Variants in ROR1 observed in about 807,000 individuals in gnomAD.
ROR1 encodes ROR family WNT receptor 1, also known as inactive tyrosine-protein kinase transmembrane receptor ROR1.
Under a neutral mutation model 78.8 loss-of-function variants are expected in ROR1, and 19 were observed. That is an observed-to-expected ratio of 0.24 (90% confidence interval 0.17 to 0.35). The LOEUF (loss-of-function observed/expected upper bound fraction) is 0.35, where lower values mean the gene tolerates loss of function less well. Among genes scored for constraint, ROR1 ranks in the 10% least tolerant of loss-of-function variants. The pLI is 1.00. For missense variants in ROR1, 917 were observed against 1,177.8 expected, an observed-to-expected ratio of 0.78 and a Z score of 3.24; for synonymous variants, 386 against 433.6, an observed-to-expected ratio of 0.89 and a Z score of 1.36.
At chr1:64,075,321 G>A (rs1256662378) in intron 4 of ROR1, among the ~76,000 whole-genome samples, 2 of 152,118 alleles carry the variant, frequency 1.3e-5, no homozygotes, top group Non-Finnish European at 2.9e-5. Flanking sequence ...ATATAGAGGG[G>A]GTTAAGATTA....
chr1:64,108,659 A>T (rs1647941869), intron 4 of ROR1, among the ~76,000 whole-genome samples: 1 of 152,122 alleles, frequency 6.6e-6, no homozygotes, highest in Admixed American at 6.6e-5. Flanking sequence ...CACATAACAC[A>T]CACACACACC....
At chr1:63,937,971 G>T (rs769117232) in intron 1 of ROR1, among the ~76,000 whole-genome samples, 4 of 152,130 alleles carry the variant, frequency 2.6e-5, no homozygotes, top group Non-Finnish European at 5.9e-5. Context: ...AACACCACCA[G>T]ATTCTCCCTA....
intron 1 of ROR1, among the ~76,000 whole-genome samples, chr1:63,855,383 T>C (rs1239532888): frequency 6.6e-6 from 1 of 152,248 alleles, no homozygotes; most frequent in Non-Finnish European, 1.5e-5. Context: ...AATTATTAAA[T>C]ACTATATTTG....
chr1:63,901,151 A>G (rs898559384), intron 1 of ROR1, among the ~76,000 whole-genome samples: 1 of 152,164 alleles, frequency 6.6e-6, no homozygotes, highest in Non-Finnish European at 1.5e-5. Context: ...TGTGTGCTGA[A>G]TGAATACTGG....
chr1:64,048,343 ATT>A (rs1416402350), intron 2 of ROR1, among the ~76,000 whole-genome samples: 1 of 152,228 alleles, frequency 6.6e-6, no homozygotes, highest in African/African-American at 2.4e-5. Flanking sequence ...ATTATAGAAC[ATT>A]TCCATCATTG....
chr1:63,997,115 T>TA (rs1646342988), intron 1 of ROR1, among the ~76,000 whole-genome samples: 2 of 152,204 alleles, frequency 1.3e-5, no homozygotes, highest in East Asian at 3.8e-4. Context: ...CTTCTCTTTG[T>TA]AAATGCTTTA....
intron 1 of ROR1, among the ~76,000 whole-genome samples, chr1:63,866,122 C>T (rs1165023746): frequency 1.3e-5 from 2 of 151,900 alleles, no homozygotes; most frequent in African/African-American, 4.8e-5. Flanking sequence ...ACCAGTGGTG[C>T]CCCCCCAGCA....
intron 1 of ROR1, among the ~76,000 whole-genome samples, chr1:63,822,012 G>A (rs768489778): frequency 6.2e-4 from 95 of 152,176 alleles, no homozygotes; most frequent in Non-Finnish European, 1.3e-3. Flanking sequence ...ATTTTCTTGT[G>A]ATGATAAAAG....
chr1:64,159,682 A>G (rs1054164777), intron 8 of ROR1, among the ~76,000 whole-genome samples: 5 of 134,334 alleles, frequency 3.7e-5, no homozygotes, highest in Non-Finnish European at 8.4e-5. Context: ...TTTTTTTACC[A>G]CGATTTAAAA....
chr1:63,782,500 G>A (rs886617320), intron 1 of ROR1, among the ~76,000 whole-genome samples: 1 of 149,374 alleles, frequency 6.7e-6, no homozygotes, highest in Non-Finnish European at 1.5e-5. Flanking sequence ...TAGGTTTTAT[G>A]TGAACCAAAA....
intron 1 of ROR1, among the ~76,000 whole-genome samples, chr1:63,864,619 T>A (rs1645203448): frequency 1.3e-5 from 2 of 152,274 alleles, no homozygotes; most frequent in Admixed American, 6.5e-5. Flanking sequence ...AGCCTAAATC[T>A]AAATCAAGAT....
intron 4 of ROR1, among the ~76,000 whole-genome samples, chr1:64,088,681 C>T (rs138138409): frequency 0.022 from 3,423 of 152,170 alleles, 64 homozygotes; most frequent in South Asian, 0.075. Flanking sequence ...AACCAAGTGT[C>T]CTGAGTGACA....
intron 1 of ROR1, among the ~76,000 whole-genome samples, chr1:63,836,989 G>A (rs544742346): frequency 7.2e-5 from 11 of 152,276 alleles, no homozygotes; most frequent in African/African-American, 2.2e-4. Context: ...CCCTGTCTTG[G>A]ATGAATGGCA....
intron 1 of ROR1, among the ~76,000 whole-genome samples, chr1:63,871,549 C>T (rs1645251393): frequency 6.6e-6 from 1 of 152,178 alleles, no homozygotes; most frequent in African/African-American, 2.4e-5. Context: ...CTGCCAAGCA[C>T]CTTGGAAGCA....
chr1:63,846,639 C>T (rs184774104), intron 1 of ROR1, among the ~76,000 whole-genome samples: 8 of 152,242 alleles, frequency 5.3e-5, no homozygotes, highest in Admixed American at 2.0e-4. Flanking sequence ...GCTTCATCAA[C>T]GGAATCACAG....
intron 4 of ROR1, among the ~76,000 whole-genome samples, chr1:64,108,985 C>T (rs887108946): frequency 6.6e-6 from 1 of 152,162 alleles, no homozygotes; most frequent in Non-Finnish European, 1.5e-5. Context: ...GTATCTTGGA[C>T]ACACCCCAGA....
chr1:64,118,226 AT>A (rs1355698092), intron 4 of ROR1, among the ~76,000 whole-genome samples: 1 of 152,214 alleles, frequency 6.6e-6, no homozygotes, highest in East Asian at 1.9e-4. Context: ...TAATTAAAAC[AT>A]TCAAGCAAGA....
chr1:63,952,717 G>T (rs1015946488), intron 1 of ROR1, among the ~76,000 whole-genome samples: 8 of 152,154 alleles, frequency 5.3e-5, no homozygotes, highest in African/African-American at 1.9e-4. Flanking sequence ...GAATACCTGA[G>T]TGCCCTGAGA....
intron 1 of ROR1, among the ~76,000 whole-genome samples, chr1:63,856,681 A>G (rs1308350350): frequency 6.6e-6 from 1 of 151,706 alleles, no homozygotes. Context: ...AAGCTGGAGG[A>G]CTCGTAGGAT....
Sources: gnomAD v4.1 joint callset for allele counts (sites outside exome capture counted in the v4.1 genomes callset) on GRCh38, gnomAD v4.1.1 for gene constraint, MANE v1.5 for transcripts, NCBI Gene and HGNC (gene_info 2026-07-23, HGNC 2026-07-21) for gene names.